The following CCDC112 variants were observed in gnomAD, a reference collection of about 807,000 sequenced individuals.
CCDC112 encodes the protein coiled-coil domain-containing protein 112.
Under a neutral mutation model 66.3 loss-of-function variants are expected in CCDC112, and 40 were observed. The ratio of observed to expected loss-of-function variants is 0.60; its 90% CI spans 0.47 to 0.79. CCDC112 has a LOEUF of 0.79. Ranked by LOEUF, CCDC112 falls within the 30% of genes least tolerant of loss-of-function variation. The pLI, the probability that CCDC112 is intolerant of heterozygous loss-of-function variation, is 0.00. For synonymous variants in CCDC112, 214 were observed against 197.2 expected (o/e 1.09, Z -0.71); for missense variants, 659 against 603.8 (o/e 1.09, Z -0.96).
chr5:115,273,848 A>T (rs1367042977), intron 6 of CCDC112, among the ~76,000 whole-genome samples: 1 of 152,172 alleles, frequency 6.6e-6, no homozygotes, highest in Non-Finnish European at 1.5e-5. Context: ...TGTTTTCAGC[A>T]TTCTGGGGAA....
chr5:115,269,508 G>A (rs956861764), intron 8 of CCDC112, 195 bp downstream of exon 8: 26 of 526,500 alleles, frequency 4.9e-5, no homozygotes, highest in African/African-American at 4.2e-4. Context: ...TGCTCATAAG[G>A]TAAAATGACA....
At chr5:115,277,947 C>A (rs945533091) in intron 3 of CCDC112, among the ~76,000 whole-genome samples, 3 of 152,024 alleles carry the variant, frequency 2.0e-5, no homozygotes, top group African/African-American at 7.2e-5. Context: ...GTACAAAAGT[C>A]CTTAAAAGTA....
chr5:115,295,574 T>G (rs1025297171), intron 1 of CCDC112, among the ~76,000 whole-genome samples: 2 of 152,046 alleles, frequency 1.3e-5, no homozygotes, highest in African/African-American at 4.8e-5. Flanking sequence ...TTCCTTCAGG[T>G]TTATATTGAT....
chr5:115,272,891 T>C (rs1050560167), intron 6 of CCDC112, among the ~76,000 whole-genome samples: 4 of 152,170 alleles, frequency 2.6e-5, no homozygotes, highest in African/African-American at 9.7e-5. Flanking sequence ...TGGGAATTTG[T>C]GTTAAAACGC....
intron 2 of CCDC112, among the ~76,000 whole-genome samples, chr5:115,281,367 G>C (rs1332878023): frequency 1.3e-5 from 2 of 152,186 alleles, no homozygotes; most frequent in African/African-American, 4.8e-5. Context: ...CATGGGGGTA[G>C]ACAGATGAGA....
chr5:115,292,641 G>T (rs11745170), intron 1 of CCDC112, among the ~76,000 whole-genome samples: 53,959 of 152,076 alleles, frequency 0.35, 10,745 homozygotes, highest in Non-Finnish European at 0.45. Flanking sequence ...AGCAGGGTTT[G>T]TTTTGTTGCT....
chr5:115,268,435 A>G (rs909661635), intron 9 of CCDC112, among the ~76,000 whole-genome samples: 1 of 151,650 alleles, frequency 6.6e-6, no homozygotes, highest in Non-Finnish European at 1.5e-5. Flanking sequence ...ATGCCTGGCT[A>G]ATTTTTTTTG....
At chr5:115,280,305 G>A (rs1462791984) in intron 2 of CCDC112, 1 of 152,156 alleles carries the variant, frequency 6.6e-6, no homozygotes, top group African/African-American at 2.4e-5. Flanking sequence ...CTATGGAAAT[G>A]CCAGTTATTA....
In CCDC112 at chr5:115,279,648, T is replaced by G; in HGVS notation, c.360A>C (p.Glu120Asp). The G allele has an allele frequency of 6.2e-7, 1 of 1,611,038 alleles. No individual in the cohort carries two copies. The highest frequency in any genetic ancestry group is 8.5e-7 in the Non-Finnish European group (1 of 1,179,264). Residue 120 changes from glutamate (E) to aspartate (D), a missense_variant and splice_region_variant, in exon 3 of 10, where the codon GAA becomes GAC. Coordinates refer to ENST00000379611, the MANE Select transcript of CCDC112 (RefSeq NM_001040440.3). ...TAGTTCATCACAAACTCAACTTACT[T>G]TCTGTTTTCCTGCTGTGAATCAATT... ...ENKLIHSRKT[E>D]RAKIQQQLAK... is the part of the protein sequence containing the mutation.
intron 1 of CCDC112, chr5:115,296,074 A>T: frequency 9.8e-7 from 1 of 1,022,964 alleles, no homozygotes; most frequent in South Asian, 4.2e-5. Flanking sequence ...GCACTGTGCC[A>T]GGGGCTCCCC....
Position 115,271,508 on chromosome 5 carries a change from T to C in CCDC112, c.1037A>G (p.Gln346Arg), listed in dbSNP as rs1468212125. The C allele has an allele frequency of 1.9e-6, 3 of 1,613,240 alleles. No individual in the cohort carries two copies. The highest frequency in any genetic ancestry group is 3.3e-5 in the Admixed American group (2 of 59,890). Residue 346 changes from glutamine (Q) to arginine (R), a missense_variant, in exon 7 of 10, where the codon CAA becomes CGA. By Grantham distance (43) the Gln-to-Arg change is conservative. Transcript: ENST00000379611. The part of the protein sequence containing the change: ...FHNKQEDNQK[Q>R]KEEQRKKQKL... ...CTGTTTCTTTCTTTGTTCCTCTTTT[T>C]GCTTTTGATTATCCTCTTGTTTATT...
chr5:115,288,086 T>C (rs1420300828), intron 1 of CCDC112, among the ~76,000 whole-genome samples: 1 of 151,704 alleles, frequency 6.6e-6, no homozygotes, highest in Non-Finnish European at 1.5e-5. Context: ...GTTCAAGCAA[T>C]TCTCCTGCCT....
At position 115,276,621 on chromosome 5, in the gene CCDC112, C is replaced by T. The variant is rs866435605; in HGVS notation, c.451+344G>A. ...AGGATTAAGGAAATCAATCTTTTTTCCCCTTAATTAGCTGTTTTTTTAAAC... is the reference window on the plus strand; with the variant it reads ...AGGATTAAGGAAATCAATCTTTTTTTCCCTTAATTAGCTGTTTTTTTAAAC... On this transcript the variant is annotated intron_variant, in intron 4 of 9. Transcript: ENST00000379611. Among the ~76,000 whole-genome samples the T allele has an allele frequency of 9.3e-5, 9 of 96,322 alleles. No homozygotes were observed. In the South Asian group the frequency reaches 1.0e-3, roughly 11 times the overall value. The allele number at this position is 96,322 out of a possible 152,430, so 63.2% of individuals were successfully genotyped here.
chr5:115,278,813 CT>C (rs1749319321), intron 3 of CCDC112, among the ~76,000 whole-genome samples: 1 of 152,084 alleles, frequency 6.6e-6, no homozygotes, highest in South Asian at 2.1e-4. Context: ...AAAAAAATCA[CT>C]AAGAATTTAC....
intron 6 of CCDC112, among the ~76,000 whole-genome samples, chr5:115,274,165 C>A (rs1331241588): frequency 1.3e-5 from 2 of 152,130 alleles, no homozygotes; most frequent in Admixed American, 1.3e-4. Flanking sequence ...GGCTATTTTT[C>A]CCCTCCAGTG....
chr5:115,278,658 T>G (rs1749310620), intron 3 of CCDC112, among the ~76,000 whole-genome samples: 1 of 151,958 alleles, frequency 6.6e-6, no homozygotes. Context: ...CTGAGGGAAA[T>G]AAAGAAATAT....
intron 2 of CCDC112, among the ~76,000 whole-genome samples, chr5:115,283,559 A>G (rs1035741927): frequency 1.3e-5 from 2 of 152,172 alleles, no homozygotes; most frequent in African/African-American, 4.8e-5. Context: ...GTTTGTGTAC[A>G]TCCATACATC....
chr5:115,287,540 A>C (rs991327545), intron 1 of CCDC112, among the ~76,000 whole-genome samples: 6 of 152,092 alleles, frequency 3.9e-5, no homozygotes, highest in Non-Finnish European at 7.4e-5. Flanking sequence ...AAAGAGGTAG[A>C]TTTCCCCAAC....
rs1266623634 is a variant in CCDC112 at position 115,296,587 on chromosome 5, T to C, written c.-44A>G. 2 of 1,420,284 alleles carry C rather than the reference T, an allele frequency of 1.4e-6. No individual in the cohort carries two copies. The highest frequency in any genetic ancestry group is 1.8e-6 in the Non-Finnish European group (2 of 1,091,522). 88.0% of individuals were successfully genotyped at this position (1,420,284 alleles called of 1,614,324 possible). ...TCGGGCCGCGGCGGCCACCGGTGCCTGGGGATTCGTGGCAGGCGCACCCTG... is the reference window on the plus strand; with the variant it reads ...TCGGGCCGCGGCGGCCACCGGTGCCCGGGGATTCGTGGCAGGCGCACCCTG... On this transcript the variant is annotated 5_prime_UTR_variant, in exon 1 of 10. Coordinates refer to ENST00000379611, the MANE Select transcript of CCDC112 (RefSeq NM_001040440.3).
Sources: allele counts gnomAD v4.1 joint callset (sites outside exome capture counted in the v4.1 genomes callset), GRCh38; gene constraint gnomAD v4.1.1; transcripts MANE v1.5; gene names NCBI Gene and HGNC (gene_info 2026-07-23, HGNC 2026-07-21).